RARB: variants seen among roughly 807,000 people sequenced by gnomAD.
RARB encodes HBV-activated protein.
RARB carries 17 observed loss-of-function variants against 51.9 expected under a neutral mutation model. That is an observed-to-expected ratio of 0.33 (90% CI 0.22 to 0.49). The LOEUF is 0.49. Among genes scored for constraint, RARB ranks in the 20% least tolerant of loss-of-function variants. The pLI is 0.99. For synonymous variants in RARB, 215 were observed against 195.4 expected, an observed-to-expected ratio of 1.10 and a Z score of -0.84; for missense variants, 369 against 550.8, an observed-to-expected ratio of 0.67 and a Z score of 3.30.
At chr3:24,903,882 A>G (rs184142028) in intron 2 of RARB, among the ~76,000 whole-genome samples, 3 of 152,308 alleles carry the variant, frequency 2.0e-5, no homozygotes, top group Non-Finnish European at 2.9e-5. Context: ...TTTTAATGTG[A>G]TAAGTTATAT....
At chr3:25,403,718 T>G (rs1290758800) in intron 5 of RARB, among the ~76,000 whole-genome samples, 1 of 152,040 alleles carries the variant, frequency 6.6e-6, no homozygotes, top group Non-Finnish European at 1.5e-5. Flanking sequence ...CTTTTTCAGC[T>G]TTTTGGATGA....
intron 5 of RARB, among the ~76,000 whole-genome samples, chr3:25,222,251 T>A (rs1701963963): frequency 6.6e-6 from 1 of 152,134 alleles, no homozygotes; most frequent in African/African-American, 2.4e-5. Context: ...TTGAGCCCTA[T>A]CTCCTTCTTA....
At chr3:25,244,037 G>A (rs1702494406) in intron 5 of RARB, among the ~76,000 whole-genome samples, 1 of 151,948 alleles carries the variant, frequency 6.6e-6, no homozygotes, top group South Asian at 2.1e-4. Context: ...GTTTAGTCTT[G>A]GAAAGGTGTA....
intron 5 of RARB, among the ~76,000 whole-genome samples, chr3:25,238,285 T>G (rs140918507): frequency 2.0e-5 from 3 of 152,294 alleles, no homozygotes; most frequent in African/African-American, 7.2e-5. Context: ...TTATTTCACT[T>G]AACATAAGGA....
intron 2 of RARB, among the ~76,000 whole-genome samples, chr3:24,884,622 A>G (rs898480698): frequency 6.6e-6 from 1 of 152,106 alleles, no homozygotes; most frequent in African/African-American, 2.4e-5. Context: ...ATTGTTTCTT[A>G]CTTCATAGGA....
chr3:25,436,178 A>G (rs749542978), intron 1 of RARB, among the ~76,000 whole-genome samples: 3 of 152,180 alleles, frequency 2.0e-5, no homozygotes, highest in Non-Finnish European at 4.4e-5. Context: ...GAGGATTTGC[A>G]TGTGAAAGTG....
chr3:25,028,873 C>T (rs1697808485), intron 2 of RARB, among the ~76,000 whole-genome samples: 1 of 152,182 alleles, frequency 6.6e-6, no homozygotes. Context: ...TTCTGGGGCT[C>T]TCGTGAATTT....
intron 2 of RARB, among the ~76,000 whole-genome samples, chr3:24,920,500 G>C (rs558504107): frequency 6.6e-6 from 1 of 152,216 alleles, no homozygotes; most frequent in Admixed American, 6.5e-5. Context: ...ATTTTGTAAG[G>C]TTTTGGAAGT....
intron 3 of RARB, among the ~76,000 whole-genome samples, chr3:25,512,458 A>C (rs1247406705): frequency 6.6e-6 from 1 of 150,992 alleles, no homozygotes; most frequent in African/African-American, 2.4e-5. Context: ...AAATGTCCAA[A>C]TGTGTTAGCA....
At chr3:25,259,001 AGTATATG>A in intron 5 of RARB, 1 of 983,588 alleles carries the variant, frequency 1.0e-6, no homozygotes, top group Non-Finnish European at 1.2e-6. Flanking sequence ...GACAAACCAT[AGTATATG>A]GTGTCTGAGA....
intron 3 of RARB, among the ~76,000 whole-genome samples, chr3:25,096,763 A>G (rs1471659261): frequency 6.6e-6 from 1 of 152,130 alleles, no homozygotes; most frequent in Non-Finnish European, 1.5e-5. Flanking sequence ...CTGCATATTC[A>G]TCATCTGTCA....
intron 5 of RARB, among the ~76,000 whole-genome samples, chr3:25,340,564 A>G (rs995807237): frequency 1.3e-5 from 2 of 152,206 alleles, no homozygotes; most frequent in Non-Finnish European, 2.9e-5. Flanking sequence ...TCTGACCAAA[A>G]CAAAACATTA....
intron 1 of RARB, among the ~76,000 whole-genome samples, chr3:25,439,324 C>A (rs1216292079): frequency 6.6e-6 from 1 of 152,196 alleles, no homozygotes; most frequent in African/African-American, 2.4e-5. Flanking sequence ...TAACCATTAC[C>A]ATTTAGTGAA....
chr3:24,891,740 G>A (rs189685138), intron 2 of RARB, among the ~76,000 whole-genome samples: 20 of 152,226 alleles, frequency 1.3e-4, no homozygotes, highest in Middle Eastern at 6.8e-3. Context: ...TCAGAAATCG[G>A]GAGGTCAAGG....
chr3:24,935,738 C>T (rs1179228999), intron 2 of RARB, among the ~76,000 whole-genome samples: 1 of 152,034 alleles, frequency 6.6e-6, no homozygotes, highest in African/African-American at 2.4e-5. Flanking sequence ...TGTTAAAATT[C>T]AAAAATTGGA....
chr3:25,201,691 T>C (rs1701394301), intron 5 of RARB, among the ~76,000 whole-genome samples: 1 of 152,208 alleles, frequency 6.6e-6, no homozygotes, highest in African/African-American at 2.4e-5. Context: ...GAGATAATCA[T>C]GTGGTTTTTG....
chr3:25,522,791 A>G (rs748588953), intron 3 of RARB, among the ~76,000 whole-genome samples: 4 of 152,066 alleles, frequency 2.6e-5, no homozygotes, highest in Non-Finnish European at 5.9e-5. Flanking sequence ...GCCCTCTTCA[A>G]CCACACCTGA....
chr3:25,551,146 G>T (rs1419603154), intron 3 of RARB, among the ~76,000 whole-genome samples: 1 of 152,128 alleles, frequency 6.6e-6, no homozygotes, highest in Non-Finnish European at 1.5e-5. Context: ...GGGAAGGAGA[G>T]GTTTTAAATG....
chr3:24,892,429 T>A (rs577010746), intron 2 of RARB, among the ~76,000 whole-genome samples: 1 of 152,202 alleles, frequency 6.6e-6, no homozygotes, highest in Admixed American at 6.5e-5. Context: ...ACCAAGCAGA[T>A]AGAACTTATG....
Sources: gnomAD v4.1 joint callset for allele counts (sites outside exome capture counted in the v4.1 genomes callset) on GRCh38, gnomAD v4.1.1 for gene constraint, MANE v1.5 for transcripts, NCBI Gene and HGNC (gene_info 2026-07-23, HGNC 2026-07-21) for gene names.